FARP2: variants seen among roughly 807,000 people sequenced by gnomAD.
FARP2 encodes the protein FERM, ARH/RhoGEF and pleckstrin domain protein 2.
FARP2 carries 111 observed loss-of-function variants against 130.5 expected under a neutral mutation model. The observed-to-expected ratio is 0.85, with a 90% confidence interval of 0.73 to 1.00. The LOEUF (loss-of-function observed/expected upper bound fraction) is 1.00. FARP2 is among the 50% of genes least tolerant of loss of function. The pLI is 0.00. For missense variants in FARP2, 1,385 were observed against 1,346.3 expected (o/e 1.03, Z -0.45); for synonymous variants, 504 against 516.9 (o/e 0.98, Z 0.34).
chr2:241,394,331 A>T (rs543616105), intron 2 of FARP2, among the ~76,000 whole-genome samples: 1 of 152,234 alleles, frequency 6.6e-6, no homozygotes, highest in African/African-American at 2.4e-5. Flanking sequence ...ATCCTGGCTA[A>T]CACGGTGAAA....
intron 24 of FARP2, 120 bp downstream of exon 24, chr2:241,491,799 GC>G: frequency 1.1e-6 from 1 of 926,044 alleles, no homozygotes; most frequent in Non-Finnish European, 1.6e-6. Context: ...CCAGAGGACT[GC>G]CTCTTACTCT....
intron 11 of FARP2, among the ~76,000 whole-genome samples, chr2:241,436,161 G>A (rs772239073): frequency 4.6e-5 from 7 of 151,340 alleles, no homozygotes; most frequent in African/African-American, 7.3e-5. Flanking sequence ...CACCCGCCTC[G>A]GCCTCCCAAA....
At chr2:241,491,034 C>A (rs2064882076) in intron 22 of FARP2, 27 bp from the exon 23 acceptor site, 2 of 1,541,610 alleles carry the variant, frequency 1.3e-6, no homozygotes, top group African/African-American at 1.4e-5. Context: ...AGAGCAGAGC[C>A]ACTGAGCCTT....
intron 8 of FARP2, among the ~76,000 whole-genome samples, chr2:241,418,412 T>C (rs1340883258): frequency 6.6e-6 from 1 of 152,164 alleles, no homozygotes; most frequent in African/African-American, 2.4e-5. Flanking sequence ...CCACTGCCTC[T>C]GGGACTTCGC....
At chr2:241,439,832 C>T (rs1453243625) in intron 12 of FARP2, among the ~76,000 whole-genome samples, 3 of 151,968 alleles carry the variant, frequency 2.0e-5, no homozygotes, top group Non-Finnish European at 4.4e-5. Flanking sequence ...ATGGTAGGCG[C>T]GTATAATCCC....
intron 4 of FARP2, among the ~76,000 whole-genome samples, chr2:241,406,655 G>T (rs1338484367): frequency 6.6e-6 from 1 of 151,902 alleles, no homozygotes; most frequent in African/African-American, 2.4e-5. Context: ...GTAGAGATGG[G>T]ATTTCACCAT....
At chr2:241,411,005 C>A in intron 5 of FARP2, 28 bp from the exon 6 acceptor site, 1 of 1,433,210 alleles carries the variant, frequency 7.0e-7, no homozygotes, top group Non-Finnish European at 9.8e-7. Flanking sequence ...TGGAATTGAT[C>A]TCTGTCTTAT....
intron 1 of FARP2, among the ~76,000 whole-genome samples, chr2:241,361,370 G>A (rs2061182511): frequency 4.6e-5 from 7 of 152,172 alleles, no homozygotes; most frequent in Admixed American, 4.6e-4. Flanking sequence ...CATAGTAGAA[G>A]TAACTGTAAA....
intron 13 of FARP2, chr2:241,442,166 G>C (rs948421966): frequency 2.2e-6 from 1 of 446,624 alleles, no homozygotes; most frequent in Non-Finnish European, 4.5e-6. Context: ...TCTGAAAACA[G>C]CTCCCTCAAT....
chr2:241,483,770 G>C, intron 20 of FARP2: 1 of 984,722 alleles, frequency 1.0e-6, no homozygotes, highest in Non-Finnish European at 1.2e-6. Flanking sequence ...TTCATTCCAG[G>C]TTCTGAGCAC....
intron 18 of FARP2, among the ~76,000 whole-genome samples, chr2:241,473,103 G>A (rs1310211398): frequency 6.7e-6 from 1 of 150,276 alleles, no homozygotes; most frequent in Admixed American, 6.6e-5. Flanking sequence ...TGAGGTGGAC[G>A]CTGTTCTGTG....
intron 4 of FARP2, among the ~76,000 whole-genome samples, chr2:241,406,110 T>C (rs1463950590): frequency 3.3e-5 from 5 of 152,088 alleles, no homozygotes; most frequent in African/African-American, 1.2e-4. Flanking sequence ...GAGACCATCC[T>C]GGCTAACATG....
chr2:241,363,028 G>C (rs1270586404), intron 1 of FARP2, among the ~76,000 whole-genome samples: 4 of 152,232 alleles, frequency 2.6e-5, no homozygotes, highest in African/African-American at 9.6e-5. Context: ...CAGCTGTTGA[G>C]GACTCCGACA....
Position 241,377,549 on chromosome 2 carries a change from G to T in FARP2, c.183+4259G>T, listed in dbSNP as rs1339824470. Among the ~76,000 whole-genome samples, 4 of 152,194 alleles carry T rather than the reference G, an allele frequency of 2.6e-5. No individual in the cohort carries two copies. The East Asian group carries it at 7.7e-4, about 29-fold the overall frequency. On this transcript the variant is annotated intron_variant, in intron 2 of 26. Transcript: ENST00000264042. ...GTAGAGACGGGGTTTCACCTTGTTA[G>T]CCAGGATGGTCTCGATCTCCTGACC...
At chr2:241,463,851 C>T in intron 16 of FARP2, 48 bp from the exon 17 acceptor site, 1 of 1,525,728 alleles carries the variant, frequency 6.6e-7, no homozygotes, top group Non-Finnish European at 9.1e-7. Context: ...ACAGTGCCTT[C>T]TGCAAGCTTT....
intron 2 of FARP2, among the ~76,000 whole-genome samples, chr2:241,390,774 C>A (rs903158675): frequency 6.6e-6 from 1 of 151,820 alleles, no homozygotes; most frequent in Admixed American, 6.6e-5. Flanking sequence ...CTTTGGTATA[C>A]CAGGTTTACT....
intron 2 of FARP2, among the ~76,000 whole-genome samples, chr2:241,380,441 G>A (rs1041134949): frequency 1.3e-5 from 2 of 152,070 alleles, no homozygotes; most frequent in African/African-American, 4.8e-5. Flanking sequence ...TATTTGATTC[G>A]TGGGAGGCTA....
At chr2:241,479,210 G>A (rs1309087866) in intron 19 of FARP2, among the ~76,000 whole-genome samples, 1 of 152,302 alleles carries the variant, frequency 6.6e-6, no homozygotes, top group African/African-American at 2.4e-5. Flanking sequence ...TTCTGGCCAG[G>A]TGGGTACTAT....
At chr2:241,374,014 C>CTT (rs779927100) in intron 2 of FARP2, among the ~76,000 whole-genome samples, 5 of 142,626 alleles carry the variant, frequency 3.5e-5, no homozygotes, top group African/African-American at 7.7e-5. Context: ...TCATCTTTTA[C>CTT]TTTTTTTTTT....
Sources: allele counts gnomAD v4.1 joint callset (sites outside exome capture counted in the v4.1 genomes callset), GRCh38; gene constraint gnomAD v4.1.1; transcripts MANE v1.5; gene names NCBI Gene and HGNC (gene_info 2026-07-23, HGNC 2026-07-21).